IL17RA: variants seen among roughly 807,000 people sequenced by gnomAD.
The protein encoded by IL17RA is interleukin 17 receptor A.
IL17RA carries 34 observed loss-of-function variants against 50.4 expected under a neutral mutation model. The ratio of observed to expected loss-of-function variants is 0.67; its 90% CI spans 0.51 to 0.90. The LOEUF is 0.90. Among genes scored for constraint, IL17RA ranks in the 40% least tolerant of loss-of-function variants. The pLI, the probability that IL17RA is intolerant of heterozygous loss-of-function variation, is 0.00. For synonymous variants in IL17RA, 585 were observed against 510.4 expected (o/e 1.15, Z -1.97); for missense variants, 1,276 against 1,169.8 (o/e 1.09, Z -1.32).
In IL17RA at chr22:17,097,164, T is replaced by C. The variant is rs979706618; in HGVS notation, c.163+78T>C. 14 of 1,395,886 alleles carry C rather than the reference T, an allele frequency of 1.0e-5. No homozygotes were observed. The African/African-American group carries it at 1.7e-4, about 17-fold the overall frequency. 86.5% of individuals were successfully genotyped at this position (1,395,886 alleles called of 1,614,324 possible). A position where few individuals can be genotyped will look rare whatever the true frequency, so the allele number is the denominator to read the frequency against. ...GCCTGCTGCCAACTTCTGACAGAAG[T>C]CTTGCCATGCCACTCCAGGTTCAGG... On this transcript the variant is annotated intron_variant, in intron 2 of 12. Transcript: ENST00000319363.
At chr22:17,102,534 C>G (rs1183933814) in intron 7 of IL17RA, among the ~76,000 whole-genome samples, 1 of 151,966 alleles carries the variant, frequency 6.6e-6, no homozygotes, top group Non-Finnish European at 1.5e-5. Context: ...TTTGTTCTTT[C>G]CTCCCCCACA....
intron 1 of IL17RA, among the ~76,000 whole-genome samples, chr22:17,094,691 C>CTCTCTCTCTCTATATATATA (rs1448096911): frequency 8.1e-5 from 2 of 24,702 alleles, no homozygotes; most frequent in Non-Finnish European, 1.3e-4. Flanking sequence ...CTCTCTCTCT[C>CTCTCTCTCTCTATATATATA]TATATATATA....
intron 1 of IL17RA, among the ~76,000 whole-genome samples, chr22:17,087,008 AAG>A (rs1354118844): frequency 6.6e-6 from 1 of 152,192 alleles, no homozygotes; most frequent in Admixed American, 6.5e-5. Context: ...GGGAGGGCTG[AAG>A]AGAGACACTT....
intron 1 of IL17RA, among the ~76,000 whole-genome samples, chr22:17,095,367 C>T (rs923510895): frequency 2.6e-5 from 4 of 152,174 alleles, no homozygotes; most frequent in African/African-American, 4.8e-5. Context: ...CTATTTCCCT[C>T]CATCTCGGGA....
intron 7 of IL17RA, among the ~76,000 whole-genome samples, chr22:17,102,980 A>G (rs2061397223): frequency 1.3e-5 from 2 of 152,122 alleles, no homozygotes; most frequent in South Asian, 4.1e-4. Flanking sequence ...CATCTCTACT[A>G]AAAGTACAAA....
chr22:17,098,954 A>C (rs1344168017), intron 4 of IL17RA, 67 bp downstream of exon 4: 3 of 1,296,534 alleles, frequency 2.3e-6, no homozygotes, highest in Non-Finnish European at 3.4e-6. Context: ...CTTGTCCCCA[A>C]ATTCAGACCC....
rs745599502 is a variant in IL17RA, at chr22:17,108,764, C to T, written c.1545C>T (p.Asp515=). ...TCAGCTGTGACGGCGACGTCCCCGA[C>T]CTGTTCGGCGCGGCGCCGCGGTACC... ...SEVSCDGDVP[D]LFGAAPRYPL... Residue 515 remains aspartate, a synonymous_variant, in exon 13 of 13, where the codon GAC becomes GAT. Coordinates refer to ENST00000319363, the MANE Select transcript of IL17RA (RefSeq NM_014339.7). 4.3e-6 allele frequency: 7 copies of T among 1,610,376 alleles called. No individual in the cohort carries two copies. The highest frequency in any genetic ancestry group is 2.2e-5 in the South Asian group (2 of 90,712).
At chr22:17,086,208 G>A (rs987342348) in intron 1 of IL17RA, among the ~76,000 whole-genome samples, 1 of 151,918 alleles carries the variant, frequency 6.6e-6, no homozygotes, top group East Asian at 1.9e-4. Context: ...CATCCCCGAG[G>A]GGATCTTTCC....
At chr22:17,093,696 T>C in intron 1 of IL17RA, 1 of 185,556 alleles carries the variant, frequency 5.4e-6, no homozygotes, top group Non-Finnish European at 1.2e-5. Flanking sequence ...GCTTGCTTGG[T>C]GAATCTTCAT....
chr22:17,109,192 G>A lies in IL17RA; in HGVS notation c.1973G>A (p.Gly658Asp), dbSNP rs1293623909. 6.6e-7 allele frequency: 1 copy of A among 1,516,346 alleles called. No individual in the cohort carries two copies. The highest frequency in any genetic ancestry group is 1.2e-5 in the South Asian group (1 of 80,928). The allele number at this position is 1,516,346 out of a possible 1,614,324, so 93.9% of individuals were successfully genotyped here. Reference sequence around the variant, plus strand: ...CTGGAACCTCACCTGCAGCCCCGGGGTCAGCCAGCGCCGCAGCCCCTCCAC... The same window carrying A: ...CTGGAACCTCACCTGCAGCCCCGGGATCAGCCAGCGCCGCAGCCCCTCCAC... Reference protein sequence around the residue: ...AKLEPHLQPRGQPAPQPLHTL... With the variant: ...AKLEPHLQPRDQPAPQPLHTL... Residue 658 changes from glycine to aspartate, a missense_variant, in exon 13 of 13, where the codon GGT (glycine) becomes GAT (aspartate). By Grantham distance (94) the Gly-to-Asp change is moderately conservative. Coordinates refer to ENST00000319363, the MANE Select transcript of IL17RA (RefSeq NM_014339.7).
Position 17,100,478 on chromosome 22 carries a change from C to T in IL17RA, c.547C>T (p.Pro183Ser). 1 of 1,614,050 alleles carries T rather than the reference C, an allele frequency of 6.2e-7. No homozygotes were observed. The highest frequency in any genetic ancestry group is 8.5e-7 in the Non-Finnish European group (1 of 1,180,012). The change falls in exon 5 of 13, where the codon CCT (proline) becomes TCT (serine). Residue 183 changes from proline (P) to serine (S), a missense_variant. Transcript: ENST00000319363. Reference protein sequence around the residue: ...PNHQSKNFLVPDCEHARMKVT... With the variant: ...PNHQSKNFLVSDCEHARMKVT... The stretch of plus-strand genomic sequence containing the variant: ...CCACCAGTCCAAGAATTTCCTTGTG[C>T]CTGGTAAGAGCATCCTCCCAAGACA...
chr22:17,113,385 T>C lies in IL17RA; in HGVS notation c.*3565T>C, dbSNP rs1369192741. The C allele has an allele frequency of 6.6e-6, 1 of 152,218 alleles. No homozygotes were observed. Among genetic ancestry groups the C allele is most frequent in the Admixed American group, 6.5e-5 (1 of 15,282 alleles). The allele number at this position is 152,218 out of a possible 1,614,324, so 9.4% of individuals were successfully genotyped here. On this transcript the variant is annotated 3_prime_UTR_variant, in exon 13 of 13. Transcript: ENST00000319363. ...TTTGTGTGTATATATTTTGTAGAAATGGGGTTTCACCATGTTGTCCAGGCT... is the reference window on the plus strand; with the variant it reads ...TTTGTGTGTATATATTTTGTAGAAACGGGGTTTCACCATGTTGTCCAGGCT...
At position 17,102,298 on chromosome 22, in the gene IL17RA, C is replaced by T. The variant is rs779662031; in HGVS notation, c.758C>T (p.Pro253Leu). The change falls in exon 7 of 13, where the codon CCT becomes CTT. Residue 253 changes from proline (P) to leucine (L), a missense_variant. By Grantham distance (98) the Pro-to-Leu change is moderately conservative. Transcript: ENST00000319363. ...HSCFEHMHHI[P>L]APRPEEFHQR... ...TGCTTTGAGCACATGCACCACATAC[C>T]TGCGGTAACTCTGCTCTTTTTGACC... is the stretch of plus-strand genomic sequence containing the variant. The T allele has an allele frequency of 5.6e-6, 9 of 1,614,050 alleles. No homozygotes were observed. The highest frequency in any genetic ancestry group is 6.8e-6 in the Non-Finnish European group (8 of 1,180,038).
chr22:17,101,920 C>G, intron 5 of IL17RA, 76 bp from the exon 6 acceptor site: 1 of 1,572,398 alleles, frequency 6.4e-7, no homozygotes, highest in Non-Finnish European at 8.7e-7. Context: ...GATTGTTGTT[C>G]TTGGTGTCAG....
rs574394157 is a variant in IL17RA, at chr22:17,110,220, G to C, written c.*400G>C. On this transcript the variant is annotated 3_prime_UTR_variant, in exon 13 of 13. Transcript: ENST00000319363. ...ACACGTTAAACGAACAGGATGGGCC[G>C]GGCACGGTGGCTCACGCCTGTAATC... The C allele has an allele frequency of 3.3e-6, 1 of 299,486 alleles. No individual in the cohort carries two copies. Among genetic ancestry groups the C allele is most frequent in the Non-Finnish European group, 6.4e-6 (1 of 155,168 alleles). 18.6% of individuals were successfully genotyped at this position (299,486 alleles called of 1,614,324 possible).
chr22:17,100,982 G>A (rs1483777386), intron 5 of IL17RA, among the ~76,000 whole-genome samples: 1 of 152,118 alleles, frequency 6.6e-6, no homozygotes, highest in Non-Finnish European at 1.5e-5. Context: ...TTTCTTCTCA[G>A]GCATCCTTTG....
In IL17RA at chr22:17,109,823, G is replaced by GC; in HGVS notation, c.*4dup. The stretch of plus-strand genomic sequence containing the variant: ...AGTCAGAGGGGCCCAGTGCATGAGG[G>GC]CGGCTCCCCAGGGACCGCCCAGATC... On this transcript the variant is annotated 3_prime_UTR_variant, in exon 13 of 13. Transcript: ENST00000319363. 1 of 1,548,918 alleles carries GC rather than the reference G, an allele frequency of 6.5e-7. No homozygotes were observed. The highest frequency in any genetic ancestry group is 1.4e-5 in the African/African-American group (1 of 73,178).
At chr22:17,100,548 C>G in intron 5 of IL17RA, 67 bp downstream of exon 5, 2 of 1,582,934 alleles carry the variant, frequency 1.3e-6, no homozygotes, top group Non-Finnish European at 1.7e-6. Context: ...CCAGGTGGCA[C>G]AGATGCCAGC....
intron 8 of IL17RA, 106 bp from the exon 9 acceptor site, chr22:17,104,620 G>A (rs982028746): frequency 7.1e-6 from 7 of 982,644 alleles, no homozygotes; most frequent in Middle Eastern, 3.0e-4. Flanking sequence ...CCTGGAGATC[G>A]TGGTGTAGCC....
Sources: gnomAD v4.1 joint callset for allele counts (sites outside exome capture counted in the v4.1 genomes callset) on GRCh38, gnomAD v4.1.1 for gene constraint, MANE v1.5 for transcripts, NCBI Gene and HGNC (gene_info 2026-07-23, HGNC 2026-07-21) for gene names.